The following ADARB2 variants were observed in gnomAD, a reference collection of about 807,000 sequenced individuals.
The protein encoded by ADARB2 is inactive double-stranded RNA-specific editase B2.
A neutral mutation model predicts 62.2 loss-of-function variants in ADARB2; 25 were observed. That is an observed-to-expected ratio of 0.40 (90% CI 0.29 to 0.56). The LOEUF (loss-of-function observed/expected upper bound fraction) is 0.56. ADARB2 is among the 20% of genes least tolerant of loss of function. The pLI is 0.43. For synonymous variants in ADARB2, 572 were observed against 500.8 expected (o/e 1.14, Z -1.90); for missense variants, 1,071 against 1,077.4 (o/e 0.99, Z 0.08).
intron 3 of ADARB2, among the ~76,000 whole-genome samples, chr10:1,344,892 CCA>C (rs1564263589): frequency 6.6e-6 from 1 of 152,204 alleles, no homozygotes; most frequent in Non-Finnish European, 1.5e-5. Flanking sequence ...CGCTGTTTCT[CCA>C]TGTGGCCTTC....
chr10:1,708,115 C>A (rs1455021954), intron 1 of ADARB2, among the ~76,000 whole-genome samples: 1 of 152,210 alleles, frequency 6.6e-6, no homozygotes, highest in Non-Finnish European at 1.5e-5. Flanking sequence ...CTGTCTGGGG[C>A]TCTGCTCCGT....
At chr10:1,518,702 C>G (rs1450461386) in intron 1 of ADARB2, among the ~76,000 whole-genome samples, 1 of 151,480 alleles carries the variant, frequency 6.6e-6, no homozygotes, top group Admixed American at 6.6e-5. Context: ...AGTGGTCATA[C>G]GCATTCATTC....
At chr10:1,558,649 GTGGGTGCTCAGCACCCCCA>G (rs1832744368) in intron 1 of ADARB2, among the ~76,000 whole-genome samples, 4 of 19,902 alleles carry the variant, frequency 2.0e-4, no homozygotes, top group Admixed American at 6.0e-4. Context: ...GCCCCCCTCC[GTGGGTGCTCAGCACCCCCA>G]TGCCCCATCT....
chr10:1,464,013 A>T (rs2131911264), intron 1 of ADARB2, among the ~76,000 whole-genome samples: 1 of 152,366 alleles, frequency 6.6e-6, no homozygotes, highest in Admixed American at 6.5e-5. Flanking sequence ...GGCTGCAATA[A>T]AACAACCACA....
At chr10:1,294,786 C>T (rs1001515781) in intron 3 of ADARB2, among the ~76,000 whole-genome samples, 3 of 152,202 alleles carry the variant, frequency 2.0e-5, no homozygotes, top group Admixed American at 6.5e-5. Flanking sequence ...CCCTAATTAG[C>T]GCTACCCAAT....
intron 6 of ADARB2, 122 bp downstream of exon 6, chr10:1,233,572 C>T: frequency 9.4e-7 from 1 of 1,061,226 alleles, no homozygotes; most frequent in Non-Finnish European, 1.3e-6. Flanking sequence ...CAATCCCCTT[C>T]CAGTACCCAA....
chr10:1,456,614 T>C (rs541999468), intron 1 of ADARB2, among the ~76,000 whole-genome samples: 3 of 152,280 alleles, frequency 2.0e-5, no homozygotes, highest in East Asian at 1.9e-4. Context: ...TTTTGGGGAC[T>C]TGAAGGTTGA....
At chr10:1,606,228 C>T (rs1011870761) in intron 1 of ADARB2, among the ~76,000 whole-genome samples, 27 of 152,278 alleles carry the variant, frequency 1.8e-4, no homozygotes, top group East Asian at 5.8e-4. Flanking sequence ...AGTCTTCACC[C>T]TATGGCACTA....
chr10:1,363,491 C>A lies in ADARB2; in HGVS notation c.614G>T (p.Gly205Val). ...ACQAHLAMGG[G>V]PGPGTDFTSD... The stretch of plus-strand genomic sequence containing the variant: ...GGTGAAGTCCGTGCCGGGGCCCGGG[C>A]CCCCGCCCATGGCCAGGTGCGCCTG... The change falls in exon 3 of 10, where the codon GGC becomes GTC. Residue 205 changes from glycine to valine, a missense_variant. Gly to Val is a moderately radical substitution (Grantham distance 109). Coordinates refer to ENST00000381312, the MANE Select transcript of ADARB2 (RefSeq NM_018702.4). 1 of 1,511,338 alleles carries A rather than the reference C, an allele frequency of 6.6e-7. No individual in the cohort carries two copies. The highest frequency in any genetic ancestry group is 1.3e-5 in the South Asian group (1 of 76,142). The allele number at this position is 1,511,338 out of a possible 1,614,324, so 93.6% of individuals were successfully genotyped here. A position where few individuals can be genotyped will look rare whatever the true frequency, so the allele number is the denominator to read the frequency against.
At chr10:1,207,100 A>G (rs1331775852) in intron 7 of ADARB2, among the ~76,000 whole-genome samples, 2 of 152,202 alleles carry the variant, frequency 1.3e-5, no homozygotes, top group African/African-American at 4.8e-5. Flanking sequence ...TAATCCCAGC[A>G]CTTTGGGAGG....
chr10:1,707,615 C>G (rs977001173), intron 1 of ADARB2, among the ~76,000 whole-genome samples: 7 of 152,194 alleles, frequency 4.6e-5, no homozygotes, highest in African/African-American at 1.4e-4. Context: ...AACTGTGCCT[C>G]ACCTGAGGAC....
chr10:1,585,252 T>A (rs895445595), intron 1 of ADARB2, among the ~76,000 whole-genome samples: 3 of 152,046 alleles, frequency 2.0e-5, no homozygotes, highest in Non-Finnish European at 4.4e-5. Context: ...CACCACTCAA[T>A]TATGCTGTGA....
intron 3 of ADARB2, among the ~76,000 whole-genome samples, chr10:1,279,651 G>A (rs1172752849): frequency 6.6e-6 from 1 of 152,200 alleles, no homozygotes; most frequent in African/African-American, 2.4e-5. Context: ...CTAATCCACT[G>A]GATAAGCTGC....
At chr10:1,266,859 A>G (rs78547263) in intron 4 of ADARB2, among the ~76,000 whole-genome samples, 3,896 of 152,288 alleles carry the variant, frequency 0.026, 62 homozygotes, top group Middle Eastern at 0.051. Context: ...GGATAAGGGA[A>G]AGATTTAAAT....
chr10:1,669,557 CACACACAGACACAA>C (rs1175834602), intron 1 of ADARB2, among the ~76,000 whole-genome samples: 3 of 150,944 alleles, frequency 2.0e-5, no homozygotes, highest in African/African-American at 7.3e-5. Flanking sequence ...CTCAGAGAGA[CACACACAGACACAA>C]ACACACAGAC....
intron 1 of ADARB2, among the ~76,000 whole-genome samples, chr10:1,418,615 A>G (rs1406780521): frequency 6.6e-6 from 1 of 152,190 alleles, no homozygotes; most frequent in East Asian, 1.9e-4. Context: ...TGTCTTGAGG[A>G]AATTATTTCC....
At chr10:1,193,646 CAT>C (rs1186185013) in intron 8 of ADARB2, among the ~76,000 whole-genome samples, 1 of 152,190 alleles carries the variant, frequency 6.6e-6, no homozygotes, top group Non-Finnish European at 1.5e-5. Context: ...GTGAGTCCAC[CAT>C]AGTTAGACTC....
chr10:1,273,896 G>A (rs1262645535), intron 3 of ADARB2, among the ~76,000 whole-genome samples: 1 of 152,220 alleles, frequency 6.6e-6, no homozygotes, highest in African/African-American at 2.4e-5. Context: ...CCGGGTGACG[G>A]GTGGGACCTC....
In ADARB2 at chr10:1,408,242, C is replaced by T. The variant is rs555150749; in HGVS notation, c.101-29082G>A. ...ATTATCTAAAATATTCTTTAAAACACGAGTTAAAATGTCTACATAACACAT... is the reference window on the plus strand; with the variant it reads ...ATTATCTAAAATATTCTTTAAAACATGAGTTAAAATGTCTACATAACACAT... On this transcript the variant is annotated intron_variant, in intron 1 of 9. Transcript: ENST00000381312. Among the ~76,000 whole-genome samples, 10 of 152,252 alleles carry T rather than the reference C, an allele frequency of 6.6e-5. No homozygotes were observed. The South Asian group carries it at 1.2e-3, about 19-fold the overall frequency.
Sources: allele counts gnomAD v4.1 joint callset (sites outside exome capture counted in the v4.1 genomes callset), GRCh38; gene constraint gnomAD v4.1.1; transcripts MANE v1.5; gene names NCBI Gene and HGNC (gene_info 2026-07-23, HGNC 2026-07-21).